Variants in ENTREP2 observed in about 807,000 individuals in gnomAD.
ENTREP2 encodes the protein endosomal transmembrane epsin interactor 2.
the ENTREP2 span, among the ~76,000 whole-genome samples, chr15:29,412,138 T>C: frequency 6.6e-6 from 1 of 152,158 alleles, no homozygotes; most frequent in Non-Finnish European, 1.5e-5. Flanking sequence ...ATGAAATCAA[T>C]TGAATCTGAT....
the ENTREP2 span, among the ~76,000 whole-genome samples, chr15:29,225,045 C>A: frequency 2.6e-5 from 4 of 152,202 alleles, no homozygotes; most frequent in Non-Finnish European, 4.4e-5. Flanking sequence ...GCTCTGAGTG[C>A]GGGGCCGCTG....
At chr15:29,635,033 C>G in the ENTREP2 span, among the ~76,000 whole-genome samples, 2 of 152,028 alleles carry the variant, frequency 1.3e-5, no homozygotes, top group African/African-American at 4.8e-5. Flanking sequence ...TTAGTAGAGA[C>G]GGGGTTTCAC....
the ENTREP2 span, among the ~76,000 whole-genome samples, chr15:29,296,214 A>C: frequency 6.6e-6 from 1 of 152,206 alleles, no homozygotes; most frequent in Admixed American, 6.5e-5. Context: ...TCTCTAGAGA[A>C]TCCCAATTAA....
At chr15:29,517,257 T>C in the ENTREP2 span, among the ~76,000 whole-genome samples, 1 of 152,208 alleles carries the variant, frequency 6.6e-6, no homozygotes, top group Non-Finnish European at 1.5e-5. Context: ...TGCCAGACAC[T>C]GCCCTAAGTG....
chr15:29,192,319 A>G, the ENTREP2 span, among the ~76,000 whole-genome samples: 1 of 152,336 alleles, frequency 6.6e-6, no homozygotes, highest in Non-Finnish European at 1.5e-5. Flanking sequence ...AACCCCTAAG[A>G]GAAAGTTTCC....
chr15:29,171,336 A>C, the ENTREP2 span, among the ~76,000 whole-genome samples: 1 of 152,206 alleles, frequency 6.6e-6, no homozygotes, highest in African/African-American at 2.4e-5. Flanking sequence ...TGAGCAGTTC[A>C]ACATTTCATA....
chr15:29,563,891 C>T, the ENTREP2 span, among the ~76,000 whole-genome samples: 1 of 150,810 alleles, frequency 6.6e-6, no homozygotes, highest in Non-Finnish European at 1.5e-5. Context: ...CTGATTCATA[C>T]TACTCTTAGG....
chr15:29,474,641 G>A, the ENTREP2 span, among the ~76,000 whole-genome samples: 5 of 151,978 alleles, frequency 3.3e-5, 1 homozygote, highest in South Asian at 6.2e-4. Flanking sequence ...GGCAACCTCC[G>A]CCTCCCGGGT....
At chr15:29,622,057 C>A in the ENTREP2 span, among the ~76,000 whole-genome samples, 1 of 152,070 alleles carries the variant, frequency 6.6e-6, no homozygotes, top group Admixed American at 6.5e-5. Flanking sequence ...TGCCAGGGGC[C>A]ATGCAGTGGG....
At chr15:29,455,464 G>C in the ENTREP2 span, among the ~76,000 whole-genome samples, 2 of 152,134 alleles carry the variant, frequency 1.3e-5, no homozygotes, top group South Asian at 2.1e-4. Flanking sequence ...ATTGTCTTGG[G>C]ATCAGTTACA....
At chr15:29,233,918 T>A in the ENTREP2 span, 1 of 1,571,700 alleles carries the variant, frequency 6.4e-7, no homozygotes, top group South Asian at 1.1e-5. Context: ...CTGAAGAAAC[T>A]GTTCAGCTGG....
the ENTREP2 span, among the ~76,000 whole-genome samples, chr15:29,472,148 C>T: frequency 6.6e-6 from 1 of 152,122 alleles, no homozygotes; most frequent in Non-Finnish European, 1.5e-5. Flanking sequence ...TCAATGTGCT[C>T]ATGTTACAGA....
the ENTREP2 span, among the ~76,000 whole-genome samples, chr15:29,210,519 G>A: frequency 2.0e-5 from 3 of 152,186 alleles, no homozygotes; most frequent in African/African-American, 4.8e-5. Flanking sequence ...ATAGGAGCGC[G>A]ATTCCTATTG....
the ENTREP2 span, among the ~76,000 whole-genome samples, chr15:29,194,289 G>A: frequency 1.3e-5 from 2 of 152,182 alleles, no homozygotes; most frequent in Admixed American, 1.3e-4. Flanking sequence ...GCCCTCAGGT[G>A]GGGGACAGGG....
chr15:29,283,553 G>T, the ENTREP2 span, among the ~76,000 whole-genome samples: 1 of 152,062 alleles, frequency 6.6e-6, no homozygotes, highest in East Asian at 1.9e-4. Flanking sequence ...GGGGATTTTA[G>T]CTATCATAGC....
the ENTREP2 span, among the ~76,000 whole-genome samples, chr15:29,326,885 A>C: frequency 3.0e-4 from 46 of 152,320 alleles, no homozygotes; most frequent in African/African-American, 1.0e-3. Context: ...ATTTAATGGA[A>C]TTGAGAACCC....
chr15:29,593,859 T>G, the ENTREP2 span, among the ~76,000 whole-genome samples: 1 of 152,314 alleles, frequency 6.6e-6, no homozygotes, highest in Admixed American at 6.5e-5. Context: ...ATTGTGGTGG[T>G]TACATAAATC....
chr15:29,269,519 G>C, the ENTREP2 span: 2 of 1,576,914 alleles, frequency 1.3e-6, no homozygotes, highest in Non-Finnish European at 1.7e-6. Flanking sequence ...TGAGGCGAGG[G>C]GCCCTGCGAC....
the ENTREP2 span, among the ~76,000 whole-genome samples, chr15:29,571,902 G>C: frequency 1.3e-5 from 2 of 152,002 alleles, no homozygotes. Context: ...GGGACCAGAC[G>C]TGAAAAGGCA....
Sources: gnomAD v4.1 joint callset for allele counts (sites outside exome capture counted in the v4.1 genomes callset) on GRCh38, gnomAD v4.1.1 for gene constraint, MANE v1.5 for transcripts, NCBI Gene and HGNC (gene_info 2026-07-23, HGNC 2026-07-21) for gene names.